MARK3: variants seen among roughly 807,000 people sequenced by gnomAD.
MARK3 encodes the protein MAP/microtubule affinity-regulating kinase 3.
In MARK3, 46 loss-of-function variants were observed where a neutral mutation model predicts 90.1. The ratio of observed to expected loss-of-function variants is 0.51; its 90% CI spans 0.40 to 0.65. The LOEUF (loss-of-function observed/expected upper bound fraction) is 0.65, where lower values mean the gene tolerates loss of function less well. Ranked by LOEUF, MARK3 falls within the 30% of genes least tolerant of loss-of-function variation. The pLI is 0.00. For missense variants in MARK3, 818 were observed against 947.2 expected, an observed-to-expected ratio of 0.86 and a Z score of 1.79; for synonymous variants, 321 against 332.6, an observed-to-expected ratio of 0.97 and a Z score of 0.38.
chr14:103,491,616 C>T, intron 14 of MARK3, 161 bp from the exon 15 acceptor site: 1 of 646,450 alleles, frequency 1.5e-6, no homozygotes, highest in African/African-American at 1.8e-5. Flanking sequence ...CTTTTGGTAC[C>T]CTTTCCCACT....
intron 2 of MARK3, among the ~76,000 whole-genome samples, chr14:103,418,868 G>T (rs767002940): frequency 1.3e-5 from 2 of 151,904 alleles, no homozygotes; most frequent in Non-Finnish European, 2.9e-5. Context: ...TTCCGCCCTC[G>T]GAATTTTATC....
intron 2 of MARK3, among the ~76,000 whole-genome samples, chr14:103,424,079 G>A (rs1053024137): frequency 9.2e-5 from 14 of 152,030 alleles, no homozygotes; most frequent in Non-Finnish European, 1.2e-4. Flanking sequence ...GTGGTGGCAC[G>A]TGCCTGTAAT....
At chr14:103,480,885 G>A (rs1468545496) in intron 14 of MARK3, among the ~76,000 whole-genome samples, 1 of 152,226 alleles carries the variant, frequency 6.6e-6, no homozygotes, top group African/African-American at 2.4e-5. Flanking sequence ...TACCTCAGGA[G>A]AATGTACAGC....
chr14:103,484,938 C>G (rs2093896642), intron 14 of MARK3, among the ~76,000 whole-genome samples: 1 of 150,412 alleles, frequency 6.6e-6, no homozygotes, highest in Admixed American at 6.7e-5. Flanking sequence ...AAAAAAAGGG[C>G]TGAGCACAGT....
At chr14:103,398,798 T>G (rs2090753880) in intron 1 of MARK3, among the ~76,000 whole-genome samples, 1 of 152,236 alleles carries the variant, frequency 6.6e-6, no homozygotes. Flanking sequence ...TACAAAATAC[T>G]TGGAGGACAG....
At chr14:103,423,328 G>C (rs1027595483) in intron 2 of MARK3, among the ~76,000 whole-genome samples, 2 of 151,346 alleles carry the variant, frequency 1.3e-5, no homozygotes, top group Non-Finnish European at 2.9e-5. Context: ...TTTCTCCAGT[G>C]GGTGTTTGCT....
intron 2 of MARK3, among the ~76,000 whole-genome samples, chr14:103,423,424 T>TGAA (rs1480903497): frequency 7.2e-5 from 11 of 152,026 alleles, no homozygotes; most frequent in African/African-American, 2.7e-4. Flanking sequence ...GGCATCAGAG[T>TGAA]GAATGTAAAT....
At chr14:103,414,677 T>G (rs1206555281) in intron 2 of MARK3, among the ~76,000 whole-genome samples, 1 of 152,234 alleles carries the variant, frequency 6.6e-6, no homozygotes, top group African/African-American at 2.4e-5. Flanking sequence ...TGAGTCAGTA[T>G]AAGTTAAAGG....
intron 1 of MARK3, chr14:103,386,283 A>T: frequency 2.8e-6 from 2 of 707,228 alleles, no homozygotes; most frequent in South Asian, 3.0e-5. Flanking sequence ...TCTGCGAAGT[A>T]CATCGATTAT....
chr14:103,500,283 C>A, intron 17 of MARK3, 83 bp downstream of exon 17: 3 of 1,026,800 alleles, frequency 2.9e-6, no homozygotes, highest in South Asian at 1.6e-5. Flanking sequence ...TCTGAATGTT[C>A]CCTACTGTAT....
intron 15 of MARK3, 28 bp from the exon 16 acceptor site, chr14:103,498,474 T>A: frequency 7.6e-7 from 1 of 1,310,732 alleles, no homozygotes; most frequent in Non-Finnish European, 1.0e-6. Context: ...TTGTTAATTT[T>A]TTTTTTTTTT....
chr14:103,482,727 A>G (rs906079604), intron 14 of MARK3, among the ~76,000 whole-genome samples: 1 of 151,930 alleles, frequency 6.6e-6, no homozygotes, highest in African/African-American at 2.4e-5. Flanking sequence ...GTGTCTTCTG[A>G]TTCTCTTTTC....
intron 5 of MARK3, among the ~76,000 whole-genome samples, chr14:103,454,674 C>G (rs2093236035): frequency 6.6e-6 from 1 of 152,234 alleles, no homozygotes; most frequent in African/African-American, 2.4e-5. Context: ...GCATCTCCCC[C>G]ACCCGCCAGC....
chr14:103,454,722 G>T (rs2093236795), intron 5 of MARK3, among the ~76,000 whole-genome samples: 2 of 152,176 alleles, frequency 1.3e-5, no homozygotes, highest in African/African-American at 4.8e-5. Context: ...TAGAATTTTA[G>T]AATTGAAAAT....
chr14:103,464,147 TC>T (rs1294433197), intron 7 of MARK3, among the ~76,000 whole-genome samples: 1 of 152,206 alleles, frequency 6.6e-6, no homozygotes, highest in East Asian at 1.9e-4. Flanking sequence ...CTTATCATTC[TC>T]CTTCTTCCCT....
chr14:103,406,517 A>G (rs553525873), intron 2 of MARK3, among the ~76,000 whole-genome samples: 1 of 152,238 alleles, frequency 6.6e-6, no homozygotes, highest in Non-Finnish European at 1.5e-5. Context: ...GATTATAGGC[A>G]TGAGCCACCA....
At chr14:103,493,444 T>G (rs1399701304) in intron 15 of MARK3, among the ~76,000 whole-genome samples, 3 of 151,938 alleles carry the variant, frequency 2.0e-5, no homozygotes, top group African/African-American at 7.3e-5. Flanking sequence ...GCCCCTTTAT[T>G]AAGCCACCTC....
At chr14:103,500,725 C>T (rs2075617198) in intron 17 of MARK3, among the ~76,000 whole-genome samples, 1 of 151,698 alleles carries the variant, frequency 6.6e-6, no homozygotes, top group South Asian at 2.1e-4. Context: ...CAGGCTTATG[C>T]GATCCTCCCA....
chr14:103,480,165 A>G (rs2093795101), intron 13 of MARK3, among the ~76,000 whole-genome samples: 1 of 152,144 alleles, frequency 6.6e-6, no homozygotes, highest in Non-Finnish European at 1.5e-5. Context: ...ACATGCCTGT[A>G]TTCCCAGCTA....
Sources: allele counts gnomAD v4.1 joint callset (sites outside exome capture counted in the v4.1 genomes callset), GRCh38; gene constraint gnomAD v4.1.1; transcripts MANE v1.5; gene names NCBI Gene and HGNC (gene_info 2026-07-23, HGNC 2026-07-21).